Variants in PMFBP1 observed in about 807,000 individuals in gnomAD.
PMFBP1 encodes polyamine modulated factor 1 binding protein 1, also known as polyamine-modulated factor 1-binding protein 1.
PMFBP1 carries 131 observed loss-of-function variants against 137.8 expected under a neutral mutation model. The observed-to-expected ratio is 0.95, with a 90% confidence interval of 0.82 to 1.10. The LOEUF (loss-of-function observed/expected upper bound fraction) is 1.10, where lower values mean the gene tolerates loss of function less well. Ranked by LOEUF, PMFBP1 falls within the 50% of genes least tolerant of loss-of-function variation. The pLI, the probability that PMFBP1 is intolerant of heterozygous loss-of-function variation, is 0.00. For missense variants in PMFBP1, 1,199 were observed against 1,175.4 expected, an observed-to-expected ratio of 1.02 and a Z score of -0.29; for synonymous variants, 490 against 450.4, an observed-to-expected ratio of 1.09 and a Z score of -1.11.
At chr16:72,234,717 T>C in the PMFBP1 span, among the ~76,000 whole-genome samples, 2 of 152,230 alleles carry the variant, frequency 1.3e-5, no homozygotes, top group African/African-American at 4.8e-5. Context: ...TCTCATGACT[T>C]TGTGTCATGA....
chr16:72,140,550 T>A lies in PMFBP1; in HGVS notation c.669A>T (p.Val223=). 1.9e-6 allele frequency: 3 copies of A among 1,613,912 alleles called. No homozygotes were observed. Among genetic ancestry groups the A allele is most frequent in the Non-Finnish European group, 2.5e-6 (3 of 1,179,774 alleles). Residue 223 remains valine (V), a synonymous_variant, in exon 6 of 21, where the codon GTA becomes GTT. Transcript: ENST00000237353. ...EPENKGDHSK[V]RIYTSPCMIQ... is the part of the protein sequence containing the mutation. ...TCATGCAAGGAGAAGTGTATATCCG[T>A]ACCTTTGAATGATCACCCTTGTTCT... is the stretch of plus-strand genomic sequence containing the variant.
chr16:72,240,200 A>G, the PMFBP1 span, among the ~76,000 whole-genome samples: 79 of 152,330 alleles, frequency 5.2e-4, no homozygotes, highest in African/African-American at 7.0e-4. Flanking sequence ...TGTACCTGCT[A>G]AAGACCTAGA....
chr16:72,128,491 C>A (rs1479152072), intron 14 of PMFBP1, 166 bp downstream of exon 14: 15 of 1,543,508 alleles, frequency 9.7e-6, no homozygotes, highest in Non-Finnish European at 1.2e-5. Context: ...TCTGGCTCAG[C>A]AACCAGGTGC....
At chr16:72,173,349 G>T (rs2043238327), upstream of PMFBP1, among the ~76,000 whole-genome samples, 2 of 152,236 alleles carry the variant, frequency 1.3e-5, no homozygotes, top group Admixed American at 6.5e-5. Flanking sequence ...CCACTGGATA[G>T]TCAGGAGATG....
chr16:72,139,846 A>G (rs2042689253), intron 6 of PMFBP1, among the ~76,000 whole-genome samples: 1 of 152,122 alleles, frequency 6.6e-6, no homozygotes, highest in Non-Finnish European at 1.5e-5. Context: ...GCTTTTTTGA[A>G]TTTGTTGAAA....
chr16:72,233,243 A>G, the PMFBP1 span, among the ~76,000 whole-genome samples: 1 of 152,154 alleles, frequency 6.6e-6, no homozygotes, highest in East Asian at 1.9e-4. Flanking sequence ...GCCCTAATCC[A>G]AACCACCTAG....
In PMFBP1 at chr16:72,136,756, G is replaced by A. The variant is rs1176338699; in HGVS notation, c.982C>T (p.Leu328=). ...QCLHVEEYQN[L]VKDLRVELEA... ...AGTTCCACGCGCAGATCCTTCACCA[G>A]GTTCTGGTACTCCTCCACATGCAGG... The change falls in exon 8 of 21, where the codon CTG becomes TTG. Residue 328 remains leucine, a synonymous_variant. Transcript: ENST00000237353. 2 of 1,614,144 alleles carry A rather than the reference G, an allele frequency of 1.2e-6. No individual in the cohort carries two copies. The highest frequency in any genetic ancestry group is 2.7e-5 in the African/African-American group (2 of 75,024).
the PMFBP1 span, among the ~76,000 whole-genome samples, chr16:72,189,062 C>CTT: frequency 6.8e-6 from 1 of 146,428 alleles, no homozygotes. Flanking sequence ...TTAGTGTTGA[C>CTT]TTTTTTTTTT....
At chr16:72,229,314 AT>A in the PMFBP1 span, among the ~76,000 whole-genome samples, 3 of 152,214 alleles carry the variant, frequency 2.0e-5, no homozygotes, top group Admixed American at 6.5e-5. Context: ...TGTGATGAAC[AT>A]AAGTGTGCAT....
chr16:72,185,566 A>C, the PMFBP1 span, among the ~76,000 whole-genome samples: 1 of 152,212 alleles, frequency 6.6e-6, no homozygotes, highest in South Asian at 2.1e-4. Context: ...TCTTCCTCCA[A>C]GCACATGCTC....
intron 3 of PMFBP1, among the ~76,000 whole-genome samples, chr16:72,160,054 AC>A (rs2043039078): frequency 6.6e-6 from 1 of 152,170 alleles, no homozygotes; most frequent in Admixed American, 6.5e-5. Context: ...GTCCATAGGA[AC>A]CTGTTCCCAT....
At chr16:72,186,587 G>T in the PMFBP1 span, among the ~76,000 whole-genome samples, 1 of 152,092 alleles carries the variant, frequency 6.6e-6, no homozygotes, top group Admixed American at 6.6e-5. Flanking sequence ...CAATTGCTTC[G>T]TGTACATTAG....
chr16:72,137,610 G>A (rs1357909708), intron 7 of PMFBP1, among the ~76,000 whole-genome samples: 1 of 152,156 alleles, frequency 6.6e-6, no homozygotes, highest in Non-Finnish European at 1.5e-5. Context: ...AAGTGCGGCT[G>A]GCACGGAGCA....
In PMFBP1 at chr16:72,130,721, A is replaced by G. The variant is rs752189670; in HGVS notation, c.1449T>C (p.Ala483=). 6.2e-7 allele frequency: 1 copy of G among 1,608,570 alleles called. No homozygotes were observed. The highest frequency in any genetic ancestry group is 8.5e-7 in the Non-Finnish European group (1 of 1,178,610). Residue 483 remains alanine (A), a splice_region_variant and synonymous_variant, in exon 11 of 21, where the codon GCT becomes GCC. Coordinates refer to ENST00000237353, the MANE Select transcript of PMFBP1 (RefSeq NM_031293.3). ...CTTCTTTGCACTGGGCTGCTTGCTG[A>G]GCTGCAGAAGCAGGGAGATGGCCAT... ...EEAKQQERLA[A]QQAAQCKEEA...
At chr16:72,212,679 C>T in the PMFBP1 span, among the ~76,000 whole-genome samples, 1 of 152,046 alleles carries the variant, frequency 6.6e-6, no homozygotes, top group Admixed American at 6.6e-5. Flanking sequence ...TATACAAGAA[C>T]GATTACCAAA....
rs1386358416 is a variant in PMFBP1 at position 72,123,539 on chromosome 16, T to C, written c.2693+7A>G. 3 of 1,613,472 alleles carry C rather than the reference T, an allele frequency of 1.9e-6. No homozygotes were observed. The highest frequency in any genetic ancestry group is 1.7e-5 in the Admixed American group (1 of 59,960). The stretch of plus-strand genomic sequence containing the variant: ...GACCCTGCCTCCCTTTTTCCTCCCA[T>C]ACTCACTTCTGCTGTTTTGCCCATT... On this transcript the variant is annotated splice_region_variant and intron_variant, in intron 18 of 20. Transcript: ENST00000237353.
chr16:72,142,748 A>C (rs1333070973), intron 5 of PMFBP1, among the ~76,000 whole-genome samples: 2 of 152,224 alleles, frequency 1.3e-5, no homozygotes, highest in Non-Finnish European at 2.9e-5. Context: ...TGCCGAGCAT[A>C]GTAATGAGAA....
the PMFBP1 span, among the ~76,000 whole-genome samples, chr16:72,244,035 G>A: frequency 6.6e-6 from 1 of 152,148 alleles, no homozygotes; most frequent in Admixed American, 6.5e-5. Context: ...GAAATTCTGA[G>A]ACTGTCTAGA....
At chr16:72,187,930 G>T in the PMFBP1 span, among the ~76,000 whole-genome samples, 1 of 152,246 alleles carries the variant, frequency 6.6e-6, no homozygotes, top group African/African-American at 2.4e-5. Flanking sequence ...ATGTGGCTGT[G>T]AGCAGAAAGT....
Sources: gnomAD v4.1 joint callset for allele counts (sites outside exome capture counted in the v4.1 genomes callset) on GRCh38, gnomAD v4.1.1 for gene constraint, MANE v1.5 for transcripts, NCBI Gene and HGNC (gene_info 2026-07-23, HGNC 2026-07-21) for gene names.